The following PTPRT variants were observed in gnomAD, a reference collection of about 807,000 sequenced individuals.
The protein encoded by PTPRT is receptor-type tyrosine-protein phosphatase T.
In PTPRT, 56 loss-of-function variants were observed where a neutral mutation model predicts 176.8. The ratio of observed to expected loss-of-function variants is 0.32; its 90% CI spans 0.26 to 0.40. The LOEUF (loss-of-function observed/expected upper bound fraction) is 0.40. Ranked by LOEUF, PTPRT falls within the 10% of genes least tolerant of loss-of-function variation. PTPRT has a pLI of 1.00. For synonymous variants in PTPRT, 783 were observed against 739.0 expected (o/e 1.06, Z -0.96); for missense variants, 1,540 against 1,908.2 (o/e 0.81, Z 3.60).
intron 11 of PTPRT, among the ~76,000 whole-genome samples, chr20:42,325,498 C>T (rs1453157859): frequency 6.6e-6 from 1 of 152,106 alleles, no homozygotes; most frequent in Non-Finnish European, 1.5e-5. Flanking sequence ...TTTCAAAATA[C>T]CATAGATTCA....
At chr20:42,502,447 C>T (rs1206781531) in intron 7 of PTPRT, among the ~76,000 whole-genome samples, 3 of 142,198 alleles carry the variant, frequency 2.1e-5, no homozygotes, top group East Asian at 2.1e-4. Context: ...CACACACACA[C>T]ATCTCAAATG....
intron 1 of PTPRT, among the ~76,000 whole-genome samples, chr20:43,118,582 G>A (rs555145771): frequency 2.8e-4 from 43 of 152,202 alleles, no homozygotes; most frequent in Admixed American, 7.2e-4. Context: ...TGTGACTACA[G>A]GCACACGCCA....
chr20:42,879,844 G>A (rs1047083697), intron 2 of PTPRT, among the ~76,000 whole-genome samples: 1 of 152,122 alleles, frequency 6.6e-6, no homozygotes, highest in East Asian at 1.9e-4. Flanking sequence ...AACTCACTAA[G>A]CTTTTTGTAT....
Position 42,350,638 on chromosome 20 carries a change from C to G in PTPRT, c.1855G>C (p.Ala619Pro). Residue 619 changes from alanine (A) to proline (P), a missense_variant, in exon 11 of 31, where the codon GCT (alanine) becomes CCT (proline). Transcript: ENST00000373187. The stretch of plus-strand genomic sequence containing the variant: ...AAGAACCATCCTCACCTGACAGGAG[C>G]TCCCCGGGACTGAGCGGGTTTCAGC... The part of the protein sequence containing the change: ...VMLKPAQSRG[A>P]PVSVYQLVVK... 1 of 1,608,950 alleles carries G rather than the reference C, an allele frequency of 6.2e-7. No individual in the cohort carries two copies. Among genetic ancestry groups the G allele is most frequent in the Non-Finnish European group, 8.5e-7 (1 of 1,175,296 alleles).
chr20:42,173,627 C>A (rs539399309), intron 16 of PTPRT, among the ~76,000 whole-genome samples: 1 of 152,068 alleles, frequency 6.6e-6, no homozygotes, highest in East Asian at 1.9e-4. Flanking sequence ...TTTGCCAGAG[C>A]AACAGATGTT....
At chr20:43,151,303 A>G (rs2014345037) in intron 1 of PTPRT, among the ~76,000 whole-genome samples, 1 of 135,756 alleles carries the variant, frequency 7.4e-6, no homozygotes, top group Non-Finnish European at 1.6e-5. Context: ...ACAGGAGCAA[A>G]ACTCCGTCTC....
intron 1 of PTPRT, among the ~76,000 whole-genome samples, chr20:42,995,785 A>G (rs1984188584): frequency 1.3e-5 from 2 of 152,070 alleles, no homozygotes; most frequent in African/African-American, 4.8e-5. Context: ...GTCTGTTTCT[A>G]TTGTGACACC....
At chr20:42,283,300 C>T (rs1394406262) in intron 12 of PTPRT, among the ~76,000 whole-genome samples, 1 of 152,006 alleles carries the variant, frequency 6.6e-6, no homozygotes. Flanking sequence ...TAAATTATAC[C>T]CCCAACAACA....
At chr20:42,258,067 G>A (rs1207839685) in intron 13 of PTPRT, among the ~76,000 whole-genome samples, 2 of 152,104 alleles carry the variant, frequency 1.3e-5, no homozygotes, top group East Asian at 3.9e-4. Flanking sequence ...GCAGAGAAAT[G>A]TGTTTGTCTT....
At chr20:42,562,716 G>C (rs192913056) in intron 7 of PTPRT, among the ~76,000 whole-genome samples, 4 of 152,242 alleles carry the variant, frequency 2.6e-5, no homozygotes, top group Admixed American at 2.0e-4. Context: ...GGCTCAGCAG[G>C]TTCTACATGG....
rs186961281 is a variant in PTPRT at position 42,142,011 on chromosome 20, C to A, written c.2683-9G>T. 6,120 of 1,613,142 alleles carry A rather than the reference C, an allele frequency of 3.8e-3. 12 individuals are homozygous for A. The highest frequency in any genetic ancestry group is 4.5e-3 in the Non-Finnish European group (5,347 of 1,179,208). On this transcript the variant is annotated splice_polypyrimidine_tract_variant and intron_variant, in intron 17 of 30. Transcript: ENST00000373187. ...TGCCCCTCTGGTAAGGCCTAAAAAG[C>A]AAGGACAGAGTGGTTAGAGTGGCCT...
intron 12 of PTPRT, among the ~76,000 whole-genome samples, chr20:42,314,677 G>C (rs2057690143): frequency 6.6e-6 from 1 of 152,080 alleles, no homozygotes; most frequent in South Asian, 2.1e-4. Flanking sequence ...TTTATATAGA[G>C]AAGAAAAGGG....
At chr20:42,529,601 CCCAG>C (rs2072342505) in intron 7 of PTPRT, among the ~76,000 whole-genome samples, 1 of 152,056 alleles carries the variant, frequency 6.6e-6, no homozygotes, top group East Asian at 1.9e-4. Context: ...ATTCTCCTGC[CCCAG>C]CCTCCCGAGT....
At chr20:43,063,176 G>A (rs914435501) in intron 1 of PTPRT, 1 of 152,184 alleles carries the variant, frequency 6.6e-6, no homozygotes, top group Non-Finnish European at 1.5e-5. Context: ...ATGGCAAATC[G>A]TATGTGAAAA....
intron 1 of PTPRT, among the ~76,000 whole-genome samples, chr20:42,960,452 C>A (rs1981924172): frequency 6.6e-6 from 1 of 152,132 alleles, no homozygotes; most frequent in Admixed American, 6.5e-5. Context: ...GCCCTCATGA[C>A]CTAAGAACCT....
Position 42,931,766 on chromosome 20 carries a change from C to A in PTPRT, c.89-45834G>T, listed in dbSNP as rs148015564. 1.5e-4 allele frequency among the ~76,000 whole-genome samples: 23 copies of A among 152,308 alleles called. 1 individual carries two copies. The East Asian group carries it at 4.4e-3, about 29-fold the overall frequency. ...ACAAGTATTTGTCAAAGGATTGACA[C>A]ATTTTCTTTGTAACTGGACACCAGG... On this transcript the variant is annotated intron_variant, in intron 1 of 30. Transcript: ENST00000373187.
intron 6 of PTPRT, among the ~76,000 whole-genome samples, chr20:42,715,312 G>A (rs6103008): frequency 0.077 from 11,700 of 152,064 alleles, 496 homozygotes; most frequent in South Asian, 0.16. Flanking sequence ...AAACAAATAA[G>A]GAGTAAAATG....
chr20:42,207,046 A>G (rs6072656), intron 15 of PTPRT, among the ~76,000 whole-genome samples: 34,150 of 151,954 alleles, frequency 0.22, 4,453 homozygotes, highest in African/African-American at 0.34. Context: ...ACACCTCACA[A>G]GGCAGGGTAT....
At chr20:42,035,730 G>A in the PTPRT span, among the ~76,000 whole-genome samples, 5 of 152,176 alleles carry the variant, frequency 3.3e-5, no homozygotes. Context: ...AGAGTGCCTG[G>A]TACAAAATAG....
Sources: allele counts gnomAD v4.1 joint callset (sites outside exome capture counted in the v4.1 genomes callset), GRCh38; gene constraint gnomAD v4.1.1; transcripts MANE v1.5; gene names NCBI Gene and HGNC (gene_info 2026-07-23, HGNC 2026-07-21).